The following HNRNPLL variants were observed in gnomAD, a reference collection of about 807,000 sequenced individuals.
The protein encoded by HNRNPLL is heterogeneous nuclear ribonucleoprotein L-like.
HNRNPLL carries 25 observed loss-of-function variants against 67.1 expected under a neutral mutation model. The observed-to-expected ratio is 0.37, with a 90% CI of 0.27 to 0.52. The LOEUF (loss-of-function observed/expected upper bound fraction) is 0.52. HNRNPLL is among the 20% of genes least tolerant of loss of function. The pLI, the probability that HNRNPLL is intolerant of heterozygous loss-of-function variation, is 0.90. For synonymous variants in HNRNPLL, 267 were observed against 241.7 expected, an observed-to-expected ratio of 1.10 and a Z score of -0.97; for missense variants, 542 against 673.9, an observed-to-expected ratio of 0.80 and a Z score of 2.17.
chr2:38,590,408 CTCT>C (rs915167915), intron 2 of HNRNPLL, among the ~76,000 whole-genome samples: 13 of 152,092 alleles, frequency 8.5e-5, no homozygotes, highest in Admixed American at 6.5e-5. Flanking sequence ...ACTGAAATTT[CTCT>C]TCTATTTATA....
chr2:38,572,633 G>GTT (rs1666136939), intron 8 of HNRNPLL, among the ~76,000 whole-genome samples: 1 of 152,058 alleles, frequency 6.6e-6, no homozygotes, highest in Non-Finnish European at 1.5e-5. Context: ...TGATAATAAA[G>GTT]TTACAATTAT....
intron 2 of HNRNPLL, among the ~76,000 whole-genome samples, chr2:38,589,361 TAAAGGG>T (rs1015672250): frequency 1.3e-5 from 2 of 152,162 alleles, no homozygotes; most frequent in African/African-American, 4.8e-5. Context: ...TTCCATTAAA[TAAAGGG>T]AAAGTTTCCA....
At chr2:38,602,136 A>G in intron 1 of HNRNPLL, 1 of 402,854 alleles carries the variant, frequency 2.5e-6, no homozygotes, top group Middle Eastern at 6.5e-4. Flanking sequence ...GAGCCGCGAA[A>G]CCCCCCAGAG....
chr2:38,567,839 G>A (rs1037709090), intron 12 of HNRNPLL, among the ~76,000 whole-genome samples: 14 of 152,252 alleles, frequency 9.2e-5, no homozygotes, highest in Admixed American at 5.2e-4. Flanking sequence ...ATATGAGTGC[G>A]CCTGGGGGTG....
At chr2:38,595,148 G>C (rs1667122368) in intron 1 of HNRNPLL, among the ~76,000 whole-genome samples, 2 of 150,776 alleles carry the variant, frequency 1.3e-5, no homozygotes, top group Admixed American at 6.6e-5. Flanking sequence ...GGCGTGGTGG[G>C]GTACGCCTGT....
chr2:38,587,484 T>C (rs1335370909), intron 2 of HNRNPLL, among the ~76,000 whole-genome samples: 1 of 152,096 alleles, frequency 6.6e-6, no homozygotes, highest in African/African-American at 2.4e-5. Context: ...CATTCAAAAT[T>C]AAAGAAGTAC....
chr2:38,579,887 T>C (rs1037029989), intron 6 of HNRNPLL, among the ~76,000 whole-genome samples: 2 of 152,072 alleles, frequency 1.3e-5, no homozygotes, highest in Non-Finnish European at 2.9e-5. Flanking sequence ...AAGACAAATA[T>C]CTGTAAGGAA....
At chr2:38,594,304 A>T (rs867236432) in intron 1 of HNRNPLL, among the ~76,000 whole-genome samples, 1 of 152,270 alleles carries the variant, frequency 6.6e-6, no homozygotes, top group Non-Finnish European at 1.5e-5. Flanking sequence ...TACAGACAGG[A>T]TATTAGGTTA....
At chr2:38,568,863 C>G (rs1665967255) in intron 10 of HNRNPLL, among the ~76,000 whole-genome samples, 1 of 152,000 alleles carries the variant, frequency 6.6e-6, no homozygotes, top group Admixed American at 6.6e-5. Flanking sequence ...CACGATATGT[C>G]TTTAAATAAC....
At chr2:38,575,639 T>C (rs1666270384) in intron 7 of HNRNPLL, among the ~76,000 whole-genome samples, 1 of 151,860 alleles carries the variant, frequency 6.6e-6, no homozygotes, top group Non-Finnish European at 1.5e-5. Flanking sequence ...TCTGATGGAA[T>C]CTATGGGTCC....
chr2:38,577,805 A>G (rs1009370407), intron 6 of HNRNPLL: 1 of 464,364 alleles, frequency 2.2e-6, no homozygotes. Flanking sequence ...GGAAGAATGG[A>G]TACTTTTCAG....
At chr2:38,574,452 C>A (rs1028641239) in intron 7 of HNRNPLL, among the ~76,000 whole-genome samples, 16 of 151,928 alleles carry the variant, frequency 1.1e-4, no homozygotes, top group African/African-American at 3.6e-4. Context: ...AAAACCAATC[C>A]AAAAACCCAA....
intron 1 of HNRNPLL, among the ~76,000 whole-genome samples, chr2:38,598,900 C>T (rs961682716): frequency 6.6e-6 from 1 of 152,256 alleles, no homozygotes; most frequent in African/African-American, 2.4e-5. Flanking sequence ...GACACTACTG[C>T]TATGCAAGCC....
rs117772351 is a variant in HNRNPLL at position 38,563,308 on chromosome 2, A to T, written c.*874T>A. On this transcript the variant is annotated 3_prime_UTR_variant, in exon 13 of 13. Transcript: ENST00000449105. ...AAAAATACATATTACTGATGGATCC[A>T]AGAGTTAAAAAATAAAAATGTAAAT... 2.9e-4 allele frequency: 44 copies of T among 152,248 alleles called. 1 individual carries two copies. In the East Asian group the frequency reaches 8.3e-3, roughly 29 times the overall value. The allele number at this position is 152,248 out of a possible 1,614,324, so 9.4% of individuals were successfully genotyped here.
chr2:38,602,369 C>A, intron 1 of HNRNPLL, 69 bp downstream of exon 1: 1 of 1,439,914 alleles, frequency 6.9e-7, no homozygotes, highest in Non-Finnish European at 9.4e-7. Context: ...AAGCGGGAGG[C>A]CCCGCACCGA....
chr2:38,567,900 G>C (rs1055182967), intron 12 of HNRNPLL, among the ~76,000 whole-genome samples: 3 of 151,912 alleles, frequency 2.0e-5, no homozygotes, highest in Non-Finnish European at 4.4e-5. Flanking sequence ...TTAAACAACA[G>C]TTTGACTGCA....
intron 12 of HNRNPLL, among the ~76,000 whole-genome samples, chr2:38,565,694 A>G (rs558119096): frequency 1.4e-5 from 2 of 144,568 alleles, no homozygotes; most frequent in South Asian, 2.2e-4. Context: ...GCACCACTGC[A>G]TTCCAGGCTA....
intron 8 of HNRNPLL, 31 bp downstream of exon 8, chr2:38,573,178 AG>A: frequency 7.0e-7 from 1 of 1,435,220 alleles, no homozygotes; most frequent in Non-Finnish European, 9.6e-7. Flanking sequence ...TGAATATCCT[AG>A]CAAAAGAAAC....
At chr2:38,569,102 A>G (rs575086539) in intron 10 of HNRNPLL, 31 bp downstream of exon 10, 12 of 1,429,968 alleles carry the variant, frequency 8.4e-6, no homozygotes, top group South Asian at 8.0e-5. Context: ...AAATAGCAAC[A>G]TTCTATACAC....
Sources: gnomAD v4.1 joint callset for allele counts (sites outside exome capture counted in the v4.1 genomes callset) on GRCh38, gnomAD v4.1.1 for gene constraint, MANE v1.5 for transcripts, NCBI Gene and HGNC (gene_info 2026-07-23, HGNC 2026-07-21) for gene names.